MSH6: variants seen among roughly 807,000 people sequenced by gnomAD.
MSH6 encodes the protein mutS homolog 6.
MSH6 carries 85 observed loss-of-function variants against 119.1 expected under a neutral mutation model. That is an observed-to-expected ratio of 0.71 (90% confidence interval 0.60 to 0.85). MSH6 has a LOEUF of 0.85. Ranked by LOEUF, MSH6 falls within the 40% of genes least tolerant of loss-of-function variation. The probability of loss-of-function intolerance (pLI) is 0.00; values close to 1 mark genes in which losing one functional copy is unlikely to be tolerated. For synonymous variants in MSH6, 830 were observed against 586.9 expected (o/e 1.41, Z -5.99); for missense variants, 2,163 against 1,655.3 (o/e 1.31, Z -5.32).
In MSH6 at chr2:47,799,106, G is replaced by C. The variant is rs2104320959; in HGVS notation, c.1123G>C (p.Glu375Gln). The C allele has an allele frequency of 6.2e-7, 1 of 1,614,168 alleles. No homozygotes were observed. The highest frequency in any genetic ancestry group is 8.5e-7 in the Non-Finnish European group (1 of 1,180,020). Residue 375 changes from glutamate (E) to glutamine (Q), a missense_variant, in exon 4 of 10, where the codon GAG (glutamate) becomes CAG (glutamine). Transcript: ENST00000234420. ...WYHETLEWLK[E>Q]EKRRDEHRRR... ...TCATGAAACTTTAGAATGGCTTAAG[G>C]AGGAAAAGAGAAGAGATGAGCACAG... is the stretch of plus-strand genomic sequence containing the variant.
Position 47,790,977 on chromosome 2 carries a change from C to T in MSH6, c.311C>T (p.Pro104Leu), listed in dbSNP as rs1572708628. ...DLVWAKMEGY[P>L]WWPCLVYNHP... ...GTTTGGGCCAAGATGGAGGGTTACC[C>T]CTGGTGGCCTTGTCTGGTTTACAAC... The change falls in exon 2 of 10, where the codon CCC becomes CTC. Residue 104 changes from proline (P) to leucine (L), a missense_variant. Pro to Leu is a moderately conservative substitution (Grantham distance 98). Coordinates refer to ENST00000234420, the MANE Select transcript of MSH6 (RefSeq NM_000179.3). The T allele has an allele frequency of 6.2e-7, 1 of 1,614,182 alleles. No individual in the cohort carries two copies. Among genetic ancestry groups the T allele is most frequent in the Admixed American group, 1.7e-5 (1 of 60,014 alleles).
At position 47,800,047 on chromosome 2, in the gene MSH6, C is replaced by G. The variant is rs1057524297; in HGVS notation, c.2064C>G (p.Val688=). 6.2e-7 allele frequency: 1 copy of G among 1,614,092 alleles called. No individual in the cohort carries two copies. Among genetic ancestry groups the G allele is most frequent in the East Asian group, 2.2e-5 (1 of 44,878 alleles). Residue 688 remains valine (V), a synonymous_variant, in exon 4 of 10, where the codon GTC becomes GTG. Transcript: ENST00000234420. ...CCCTCTCTGCTCTAGGTGGTTGTGT[C>G]TTCTACCTCAAAAAATGCCTTATTG... ...ELALSALGGC[V]FYLKKCLIDQ...
intron 1 of MSH6, chr2:47,784,130 C>A (rs1014537402): frequency 1.8e-5 from 18 of 1,004,670 alleles, no homozygotes; most frequent in Non-Finnish European, 2.1e-5. Context: ...AGGGGGTGGG[C>A]CACGAGCTGC....
At chr2:47,784,677 G>T (rs531431302) in intron 1 of MSH6, 1 of 152,382 alleles carries the variant, frequency 6.6e-6, no homozygotes, top group African/African-American at 2.4e-5. Flanking sequence ...GGTCAGGCTA[G>T]TCTCGGAATT....
Position 47,799,013 on chromosome 2 carries a change from C to G in MSH6, c.1030C>G (p.Gln344Glu), listed in dbSNP as rs730881815. 1 of 1,614,214 alleles carries G rather than the reference C, an allele frequency of 6.2e-7. No homozygotes were observed. The highest frequency in any genetic ancestry group is 8.5e-7 in the Non-Finnish European group (1 of 1,180,040). ...KNTLRAFSAP[Q>E]NSESQAHVSG... ...TACTTTGAGAGCTTTCTCTGCCCCT[C>G]AAAATTCTGAATCCCAAGCCCACGT... is the stretch of plus-strand genomic sequence containing the variant. Residue 344 changes from glutamine to glutamate, a missense_variant, in exon 4 of 10, where the codon CAA (glutamine) becomes GAA (glutamate). Coordinates refer to ENST00000234420, the MANE Select transcript of MSH6 (RefSeq NM_000179.3).
intron 4 of MSH6, among the ~76,000 whole-genome samples, chr2:47,802,203 T>C (rs912295265): frequency 6.6e-6 from 1 of 152,214 alleles, no homozygotes; most frequent in South Asian, 2.1e-4. Context: ...CTACAATTGA[T>C]TTTTCAAAGC....
At chr2:47,804,421 C>T (rs1303551815) in intron 5 of MSH6, among the ~76,000 whole-genome samples, 1 of 152,082 alleles carries the variant, frequency 6.6e-6, no homozygotes, top group African/African-American at 2.4e-5. Flanking sequence ...TGCTCTCCTG[C>T]ATTATAGTAT....
At position 47,804,951 on chromosome 2, in the gene MSH6, C is replaced by A. The variant is rs786201385; in HGVS notation, c.3480C>A (p.Val1160=). The A allele has an allele frequency of 4.3e-6, 7 of 1,614,106 alleles. No homozygotes were observed. Among genetic ancestry groups the A allele is most frequent in the Non-Finnish European group, 5.1e-6 (6 of 1,179,996 alleles). ...TAATGGCCCAGATGGGTTGTTACGT[C>A]CCTGCTGAAGTGTGCAGGCTCACAC... is the stretch of plus-strand genomic sequence containing the variant. The part of the protein sequence containing the change: ...LAVMAQMGCY[V]PAEVCRLTPI... The change falls in exon 6 of 10, where the codon GTC becomes GTA. Residue 1160 remains valine (V), a synonymous_variant. Coordinates refer to ENST00000234420, the MANE Select transcript of MSH6 (RefSeq NM_000179.3).
rs1553410307 is a variant in MSH6 at position 47,791,045 on chromosome 2, G to A, written c.379G>A (p.Val127Ile). 1.2e-6 allele frequency: 2 copies of A among 1,614,116 alleles called. No homozygotes were observed. The highest frequency in any genetic ancestry group is 1.7e-5 in the Admixed American group (1 of 60,014). ...GTFIREKGKS[V>I]RVHVQFFDDS... ...ATTCATCCGCGAGAAAGGGAAATCA[G>A]TCCGTGTTCATGTACAGTTTTTTGA... Residue 127 changes from valine (V) to isoleucine (I), a missense_variant, in exon 2 of 10, where the codon GTC becomes ATC. By Grantham distance (29) the Val-to-Ile change is conservative (BLOSUM62 3). Coordinates refer to ENST00000234420, the MANE Select transcript of MSH6 (RefSeq NM_000179.3).
rs587782706 is a variant in MSH6, at chr2:47,799,433, G to A, written c.1450G>A (p.Glu484Lys). Reference protein sequence around the residue: ...VQKGYKVARVEQTETPEMMEA... With the variant: ...VQKGYKVARVKQTETPEMMEA... ...GAAGGGCTATAAAGTAGCACGAGTG[G>A]AACAGACTGAGACTCCAGAAATGAT... The change falls in exon 4 of 10, where the codon GAA (glutamate) becomes AAA (lysine). Residue 484 changes from glutamate to lysine, a missense_variant. By Grantham distance (56) the Glu-to-Lys change is moderately conservative. Transcript: ENST00000234420. The A allele has an allele frequency of 6.2e-7, 1 of 1,614,084 alleles. No homozygotes were observed. Among genetic ancestry groups the A allele is most frequent in the Non-Finnish European group, 8.5e-7 (1 of 1,180,022 alleles).
intron 1 of MSH6, among the ~76,000 whole-genome samples, chr2:47,790,694 C>T (rs1668669085): frequency 6.6e-6 from 1 of 151,994 alleles, no homozygotes; most frequent in Admixed American, 6.6e-5. Flanking sequence ...GAAAGTTTCT[C>T]ACCCTAATAA....
intron 2 of MSH6, among the ~76,000 whole-genome samples, chr2:47,791,851 A>T (rs1179715425): frequency 6.8e-6 from 1 of 147,250 alleles, no homozygotes; most frequent in African/African-American, 2.5e-5. Flanking sequence ...CTATATATAT[A>T]TATTTTTTTT....
At chr2:47,804,744 A>C (rs757203381) in intron 5 of MSH6, among the ~76,000 whole-genome samples, 166 bp from the exon 6 acceptor site, 3 of 152,218 alleles carry the variant, frequency 2.0e-5, no homozygotes, top group Admixed American at 6.5e-5. Context: ...CTTAGCCTCA[A>C]CTTTCTCCAT....
chr2:47,798,611 G>T lies in MSH6; in HGVS notation c.628G>T (p.Val210Leu), dbSNP rs936063254. Reference protein sequence around the residue: ...SEPEEEEEMEVGTTYVTDKSE... With the variant: ...SEPEEEEEMELGTTYVTDKSE... The stretch of plus-strand genomic sequence containing the variant: ...TAAATACTCTTTCCTTGCCTGGCAG[G>T]TAGGCACAACTTACGTAACAGATAA... Residue 210 changes from valine (V) to leucine (L), a missense_variant and splice_region_variant, in exon 4 of 10, where the codon GTA (valine) becomes TTA (leucine). Physicochemically the swap from Val to Leu is conservative, Grantham distance 32 (BLOSUM62 1). Coordinates refer to ENST00000234420, the MANE Select transcript of MSH6 (RefSeq NM_000179.3). The T allele has an allele frequency of 6.2e-7, 1 of 1,609,568 alleles. No individual in the cohort carries two copies. Among genetic ancestry groups the T allele is most frequent in the Non-Finnish European group, 8.5e-7 (1 of 1,179,878 alleles).
downstream of MSH6, chr2:47,809,088 C>G (rs1670434665): frequency 2.1e-6 from 2 of 950,876 alleles, no homozygotes; most frequent in Non-Finnish European, 3.2e-6. Flanking sequence ...GCCAAAAATG[C>G]TAGGCATTGC....
rs63750111 is a variant in MSH6 at position 47,800,914 on chromosome 2, C to A, written c.2931C>A (p.Tyr977Ter). ...ATTGGGGGATTGGTAGGAACCGTTA[C>A]CAGCTGGAAATTCCTGAGAATTTCA... ...IVYWGIGRNR[Y>*]QLEIPENFTT... The change falls in exon 4 of 10, where the codon TAC becomes TAA. Residue 977 changes from tyrosine to a stop codon, truncating the protein, a stop_gained. Coordinates refer to ENST00000234420, the MANE Select transcript of MSH6 (RefSeq NM_000179.3). LOFTEE classifies it high-confidence loss of function. 1 of 1,582,742 alleles carries A rather than the reference C, an allele frequency of 6.3e-7. No homozygotes were observed. Among genetic ancestry groups the A allele is most frequent in the Non-Finnish European group, 8.6e-7 (1 of 1,166,214 alleles).
Position 47,798,891 on chromosome 2 carries a change from T to C in MSH6, c.908T>C (p.Met303Thr), listed in dbSNP as rs1558659703. 1 of 1,614,110 alleles carries C rather than the reference T, an allele frequency of 6.2e-7. No individual in the cohort carries two copies. Among genetic ancestry groups the C allele is most frequent in the Admixed American group, 1.7e-5 (1 of 60,004 alleles). The part of the protein sequence containing the change: ...PVKVARKRKR[M>T]VTGNGSLKRK... ...AAAGTTGCTCGAAAGCGGAAGAGAA[T>C]GGTGACTGGAAATGGCTCTCTTAAA... is the stretch of plus-strand genomic sequence containing the variant. Residue 303 changes from methionine (M) to threonine (T), a missense_variant, in exon 4 of 10, where the codon ATG (methionine) becomes ACG (threonine). Transcript: ENST00000234420.
At chr2:47,805,122 T>C (rs572289841) in intron 6 of MSH6, 95 bp downstream of exon 6, 7 of 869,726 alleles carry the variant, frequency 8.0e-6, no homozygotes, top group South Asian at 2.7e-5. Context: ...AAATCTAATA[T>C]TTGATTTTTC....
At chr2:47,801,360 A>ACTTTTTTTT in intron 4 of MSH6, 1 of 58,170 alleles carries the variant, frequency 1.7e-5, no homozygotes, top group Non-Finnish European at 3.0e-5. Flanking sequence ...GCCTTTCTTC[A>ACTTTTTTTT]GTTTTTTTTT....
Sources: allele counts gnomAD v4.1 joint callset (sites outside exome capture counted in the v4.1 genomes callset), GRCh38; gene constraint gnomAD v4.1.1; transcripts MANE v1.5; gene names NCBI Gene and HGNC (gene_info 2026-07-23, HGNC 2026-07-21).